ICA1L: variants seen among roughly 807,000 people sequenced by gnomAD.
ICA1L encodes islet cell autoantigen 1-like protein.
Under a neutral mutation model 61.3 loss-of-function variants are expected in ICA1L, and 50 were observed. That is an observed-to-expected ratio of 0.82 (90% CI 0.65 to 1.03). The LOEUF is 1.03. Among genes scored for constraint, ICA1L ranks in the 50% least tolerant of loss-of-function variants. The probability of loss-of-function intolerance (pLI) is 0.00; values close to 1 mark genes in which losing one functional copy is unlikely to be tolerated. For missense variants in ICA1L, 508 were observed against 556.7 expected (o/e 0.91, Z 0.88); for synonymous variants, 161 against 191.3 (o/e 0.84, Z 1.31).
chr2:202,773,749 T>C lies in ICA1L; in HGVS notation c.*5784A>G. ...TTATGCATGAAGAGTTTAATAACCA[T>C]CCAGGTCCAAAGGTGGAAGAATACA... On this transcript the variant is annotated 3_prime_UTR_variant, in exon 13 of 13. Coordinates refer to ENST00000358299, the MANE Select transcript of ICA1L (RefSeq NM_001288622.3). 7.5e-7 allele frequency: 1 copy of C among 1,325,386 alleles called. No individual in the cohort carries two copies. The highest frequency in any genetic ancestry group is 1.1e-6 in the Non-Finnish European group (1 of 921,074). 82.1% of individuals were successfully genotyped at this position (1,325,386 alleles called of 1,614,324 possible).
chr2:202,844,539 AT>A (rs1694416262), intron 1 of ICA1L: 1 of 152,214 alleles, frequency 6.6e-6, no homozygotes, highest in South Asian at 2.1e-4. Context: ...GAGCACTAAA[AT>A]TAAATTCAAC....
chr2:202,805,366 A>ATCTTT, intron 9 of ICA1L, among the ~76,000 whole-genome samples: 1 of 152,220 alleles, frequency 6.6e-6, no homozygotes, highest in Non-Finnish European at 1.5e-5. Flanking sequence ...GTATATCTTG[A>ATCTTT]TAAAGCTGTT....
intron 1 of ICA1L, chr2:202,841,631 C>T (rs571835137): frequency 6.6e-5 from 41 of 623,070 alleles, no homozygotes; most frequent in African/African-American, 3.1e-4. Context: ...CAGGACACCC[C>T]GAAAGATGCT....
intron 1 of ICA1L, among the ~76,000 whole-genome samples, chr2:202,854,920 G>A (rs1694729965): frequency 6.6e-6 from 1 of 152,116 alleles, no homozygotes; most frequent in Admixed American, 6.6e-5. Flanking sequence ...CAGCTACCTG[G>A]GAGGCTGCGG....
At chr2:202,780,277 T>G (rs909923612) in intron 12 of ICA1L, among the ~76,000 whole-genome samples, 1 of 151,956 alleles carries the variant, frequency 6.6e-6, no homozygotes, top group African/African-American at 2.4e-5. Context: ...ATTGTGATTT[T>G]GGTTTACAGT....
At chr2:202,860,769 A>G (rs1694889068) in intron 1 of ICA1L, among the ~76,000 whole-genome samples, 1 of 152,212 alleles carries the variant, frequency 6.6e-6, no homozygotes, top group African/African-American at 2.4e-5. Flanking sequence ...AAGAAAAGAA[A>G]GAAACATACT....
rs148212869 is a variant in ICA1L, at chr2:202,820,096, G to A, written c.360-197C>T. The A allele has an allele frequency of 1.2e-4, 69 of 557,616 alleles. No homozygotes were observed. The East Asian group carries it at 1.7e-3, about 14-fold the overall frequency. 34.5% of individuals were successfully genotyped at this position (557,616 alleles called of 1,614,324 possible). A position where few individuals can be genotyped will look rare whatever the true frequency, so the allele number is the denominator to read the frequency against. On this transcript the variant is annotated intron_variant, in intron 4 of 12. Transcript: ENST00000358299. ...AATTATCAATAAAGATGTGTTGGCC[G>A]GGCGCGGTGGCTGACGCTTGTAATC...
chr2:202,862,092 A>C (rs59703933), intron 1 of ICA1L, among the ~76,000 whole-genome samples: 8,756 of 151,270 alleles, frequency 0.058, 484 homozygotes, highest in African/African-American at 0.14. Flanking sequence ...CAGAAAAATA[A>C]AAGTATTGAA....
chr2:202,823,804 A>G (rs1304409856), intron 3 of ICA1L, among the ~76,000 whole-genome samples: 1 of 152,206 alleles, frequency 6.6e-6, no homozygotes, highest in African/African-American at 2.4e-5. Context: ...TTATGTCTGT[A>G]TCATTATTCT....
At chr2:202,846,070 T>C (rs1433341766) in intron 1 of ICA1L, among the ~76,000 whole-genome samples, 1 of 152,176 alleles carries the variant, frequency 6.6e-6, no homozygotes, top group East Asian at 1.9e-4. Context: ...TGCTCAAAAA[T>C]GTCGGCAATG....
intron 11 of ICA1L, chr2:202,786,768 A>G (rs1692598812): frequency 2.3e-6 from 1 of 440,636 alleles, no homozygotes; most frequent in Non-Finnish European, 4.5e-6. Context: ...TTTTTTTTGC[A>G]GCATTATCTG....
At position 202,789,025 on chromosome 2, in the gene ICA1L, G is replaced by C; in HGVS notation, c.1048C>G (p.Leu350Val). ...GAACCAGAACTTAGGAGGTTGTTCA[G>C]AAATGAGAATTCCTTCTCAAAATCT... ...GEDFEKEFSF[L>V]NNLLSSGSSS... Residue 350 changes from leucine to valine, a missense_variant, in exon 11 of 13, where the codon CTG becomes GTG. Physicochemically the swap from Leu to Val is conservative, Grantham distance 32 (BLOSUM62 1). Transcript: ENST00000358299. The C allele has an allele frequency of 1.2e-6, 2 of 1,612,924 alleles. No individual in the cohort carries two copies. Among genetic ancestry groups the C allele is most frequent in the South Asian group, 2.2e-5 (2 of 90,908 alleles).
rs983599117 is a variant in ICA1L, at chr2:202,775,919, T to G, written c.*3614A>C. 7 of 152,204 alleles carry G rather than the reference T, an allele frequency of 4.6e-5. No homozygotes were observed. The highest frequency in any genetic ancestry group is 1.5e-5 in the Non-Finnish European group (1 of 68,036). 9.4% of individuals were successfully genotyped at this position (152,204 alleles called of 1,614,324 possible). On this transcript the variant is annotated 3_prime_UTR_variant, in exon 13 of 13. Coordinates refer to ENST00000358299, the MANE Select transcript of ICA1L (RefSeq NM_001288622.3). ...TATGATCTTGAGGTAAAACCCAAGT[T>G]TTTGAATAGGAAAACAATAATTGTA...
chr2:202,841,375 T>C (rs1408400644), intron 1 of ICA1L: 3 of 899,246 alleles, frequency 3.3e-6, no homozygotes, highest in Non-Finnish European at 5.5e-6. Flanking sequence ...ATGTTGTCCG[T>C]GTTGCTCTAA....
rs548869607 is a variant in ICA1L at position 202,774,572 on chromosome 2, C to T, written c.*4961G>A. 7 of 334,736 alleles carry T rather than the reference C, an allele frequency of 2.1e-5. No homozygotes were observed. Among genetic ancestry groups the T allele is most frequent in the African/African-American group, 6.6e-5 (3 of 45,606 alleles). 20.7% of individuals were successfully genotyped at this position (334,736 alleles called of 1,614,324 possible). A position where few individuals can be genotyped will look rare whatever the true frequency, so the allele number is the denominator to read the frequency against. On this transcript the variant is annotated 3_prime_UTR_variant, in exon 13 of 13. Coordinates refer to ENST00000358299, the MANE Select transcript of ICA1L (RefSeq NM_001288622.3). ...AAAAGTTGTAATATACTCACAGGTCCTAGAGAGACCAGTCACTGCATGCTG... is the reference window on the plus strand; with the variant it reads ...AAAAGTTGTAATATACTCACAGGTCTTAGAGAGACCAGTCACTGCATGCTG...
chr2:202,786,961 T>G (rs1451116997), intron 11 of ICA1L, among the ~76,000 whole-genome samples: 2 of 152,192 alleles, frequency 1.3e-5, no homozygotes, highest in Non-Finnish European at 2.9e-5. Context: ...GAATTTAGAT[T>G]ATCCTGCCTA....
At chr2:202,811,664 A>T (rs1351415850) in intron 9 of ICA1L, 82 bp downstream of exon 9, 1 of 891,490 alleles carries the variant, frequency 1.1e-6, no homozygotes, top group Non-Finnish European at 1.7e-6. Flanking sequence ...TGTCTCAAAA[A>T]AAAAAAAAAA....
chr2:202,816,006 T>C lies in ICA1L; in HGVS notation c.688A>G (p.Thr230Ala), dbSNP rs1254017965. The C allele has an allele frequency of 1.3e-6, 2 of 1,591,076 alleles. No homozygotes were observed. The highest frequency in any genetic ancestry group is 2.3e-5 in the East Asian group (1 of 43,582). The change falls in exon 7 of 13, where the codon ACA becomes GCA. Residue 230 changes from threonine to alanine, a missense_variant. Physicochemically the swap from Thr to Ala is moderately conservative, Grantham distance 58. Coordinates refer to ENST00000358299, the MANE Select transcript of ICA1L (RefSeq NM_001288622.3). ...LSHSLTTYQR[T>A]LLGFWKKTAR... is the part of the protein sequence containing the mutation. Reference sequence around the variant, plus strand: ...GTTTTCTTCCAGAATCCAAGCAGTGTTCTCTGCAAAAAAAGAAAAGGTGAC... The same window carrying C: ...GTTTTCTTCCAGAATCCAAGCAGTGCTCTCTGCAAAAAAAGAAAAGGTGAC...
At chr2:202,861,313 G>A (rs1332315936) in intron 1 of ICA1L, among the ~76,000 whole-genome samples, 1 of 138,788 alleles carries the variant, frequency 7.2e-6, no homozygotes. Context: ...GCTGAGGCAG[G>A]AGAATCACTT....
Sources: allele counts gnomAD v4.1 joint callset (sites outside exome capture counted in the v4.1 genomes callset), GRCh38; gene constraint gnomAD v4.1.1; transcripts MANE v1.5; gene names NCBI Gene and HGNC (gene_info 2026-07-23, HGNC 2026-07-21).